Variants in TNR observed in about 807,000 individuals in gnomAD.
TNR encodes the protein tenascin-R.
A neutral mutation model predicts 150.4 loss-of-function variants in TNR; 45 were observed. The observed-to-expected ratio is 0.30, with a 90% CI of 0.24 to 0.38. The LOEUF (loss-of-function observed/expected upper bound fraction) is 0.38. TNR is among the 10% of genes least tolerant of loss of function. The probability of loss-of-function intolerance (pLI) is 1.00; values close to 1 mark genes in which losing one functional copy is unlikely to be tolerated. For synonymous variants in TNR, 687 were observed against 678.4 expected (o/e 1.01, Z -0.20); for missense variants, 1,544 against 1,759.1 (o/e 0.88, Z 2.19).
intron 2 of TNR, among the ~76,000 whole-genome samples, chr1:175,420,276 G>A (rs866211436): frequency 1.6e-4 from 25 of 152,160 alleles, no homozygotes; most frequent in African/African-American, 6.0e-4. Context: ...ACTTCCTGGA[G>A]GGGCTGTTTA....
chr1:175,438,782 A>G (rs1288102878), intron 2 of TNR, among the ~76,000 whole-genome samples: 1 of 152,214 alleles, frequency 6.6e-6, no homozygotes, highest in African/African-American at 2.4e-5. Flanking sequence ...CAATTGCTAC[A>G]AAGAGAATAA....
chr1:175,513,823 G>T (rs530899527), intron 2 of TNR, among the ~76,000 whole-genome samples: 1 of 152,252 alleles, frequency 6.6e-6, no homozygotes, highest in East Asian at 1.9e-4. Context: ...CTCTGGAGAG[G>T]GCTTCTCAAA....
chr1:175,601,163 C>T (rs1663219779), intron 1 of TNR, among the ~76,000 whole-genome samples: 1 of 152,216 alleles, frequency 6.6e-6, no homozygotes, highest in Non-Finnish European at 1.5e-5. Flanking sequence ...CTGACTTTGA[C>T]AGTCCAGTAG....
chr1:175,656,225 A>G (rs992735359), intron 1 of TNR, among the ~76,000 whole-genome samples: 8 of 150,762 alleles, frequency 5.3e-5, no homozygotes, highest in Non-Finnish European at 1.2e-4. Flanking sequence ...TGCCCCAAGC[A>G]TCCATCAGTT....
At chr1:175,412,711 C>T (rs976965033) in intron 2 of TNR, among the ~76,000 whole-genome samples, 2 of 152,144 alleles carry the variant, frequency 1.3e-5, no homozygotes, top group Non-Finnish European at 2.9e-5. Context: ...CCACCATCAA[C>T]CTCTCTGCTT....
At chr1:175,532,720 C>T (rs1426597826) in intron 1 of TNR, among the ~76,000 whole-genome samples, 1 of 152,176 alleles carries the variant, frequency 6.6e-6, no homozygotes, top group African/African-American at 2.4e-5. Context: ...TTGAAGGTTG[C>T]AGTCTTCAAC....
At chr1:175,452,099 G>A (rs1441703775) in intron 2 of TNR, among the ~76,000 whole-genome samples, 1 of 152,194 alleles carries the variant, frequency 6.6e-6, no homozygotes, top group Non-Finnish European at 1.5e-5. Flanking sequence ...AGAATGTAAT[G>A]GGGACCAGCA....
intron 1 of TNR, among the ~76,000 whole-genome samples, chr1:175,660,846 C>G (rs2101896471): frequency 6.6e-6 from 1 of 152,254 alleles, no homozygotes; most frequent in South Asian, 2.1e-4. Flanking sequence ...ACTGACTCAG[C>G]AGAGGTTCCA....
chr1:175,423,195 T>C (rs1654830098), intron 2 of TNR, among the ~76,000 whole-genome samples: 1 of 152,212 alleles, frequency 6.6e-6, no homozygotes, highest in South Asian at 2.1e-4. Flanking sequence ...GTATTGTTAA[T>C]ACATCAAATA....
intron 9 of TNR, among the ~76,000 whole-genome samples, chr1:175,371,473 G>A (rs1557891494): frequency 6.6e-6 from 1 of 152,164 alleles, no homozygotes; most frequent in Non-Finnish European, 1.5e-5. Flanking sequence ...CTTGCCTTTT[G>A]GGGGTGAAAA....
intron 2 of TNR, among the ~76,000 whole-genome samples, chr1:175,503,206 C>G (rs1658811677): frequency 6.6e-6 from 1 of 152,184 alleles, no homozygotes; most frequent in Admixed American, 6.5e-5. Context: ...GAAGGCGCAG[C>G]TGAATGGGCC....
At chr1:175,477,276 G>C (rs1657584297) in intron 2 of TNR, among the ~76,000 whole-genome samples, 1 of 152,206 alleles carries the variant, frequency 6.6e-6, no homozygotes, top group Non-Finnish European at 1.5e-5. Context: ...CGTAAGAGGA[G>C]ATATGCCATT....
At chr1:175,390,108 G>A (rs986172909) in intron 7 of TNR, among the ~76,000 whole-genome samples, 4 of 152,204 alleles carry the variant, frequency 2.6e-5, no homozygotes, top group African/African-American at 9.6e-5. Context: ...GTGCACTAAT[G>A]GAACACAAGC....
At chr1:175,520,814 T>C (rs529493775) in intron 2 of TNR, among the ~76,000 whole-genome samples, 1 of 152,166 alleles carries the variant, frequency 6.6e-6, no homozygotes, top group Non-Finnish European at 1.5e-5. Flanking sequence ...CAGGGTGCCA[T>C]GTTCTAAAAT....
intron 2 of TNR, among the ~76,000 whole-genome samples, chr1:175,472,931 C>T (rs774594522): frequency 6.6e-6 from 1 of 152,102 alleles, no homozygotes; most frequent in African/African-American, 2.4e-5. Flanking sequence ...GGGTATCTAG[C>T]TTTGGGAGAT....
At chr1:175,541,703 T>G (rs956708653) in intron 1 of TNR, among the ~76,000 whole-genome samples, 2 of 152,162 alleles carry the variant, frequency 1.3e-5, no homozygotes, top group African/African-American at 4.8e-5. Flanking sequence ...TGAGGTTGAT[T>G]TACAATTTAC....
intron 1 of TNR, among the ~76,000 whole-genome samples, chr1:175,553,817 A>ACACAC (rs1553238669): frequency 0.28 from 40,539 of 145,306 alleles, 6,473 homozygotes; most frequent in East Asian, 0.53. Context: ...TACAAGAACA[A>ACACAC]ACACACACAC....
At chr1:175,362,623 G>C (rs1651651101) in intron 14 of TNR, 40 bp downstream of exon 14, 1 of 1,597,910 alleles carries the variant, frequency 6.3e-7, no homozygotes, top group East Asian at 2.2e-5. Context: ...CAGATCTTCA[G>C]CCAGGGTTCT....
intron 1 of TNR, among the ~76,000 whole-genome samples, chr1:175,596,081 C>G (rs10913027): frequency 6.6e-6 from 1 of 152,048 alleles, no homozygotes; most frequent in Non-Finnish European, 1.5e-5. Context: ...GGAAAATTCA[C>G]ACTCGTTTAG....
Sources: allele counts gnomAD v4.1 joint callset (sites outside exome capture counted in the v4.1 genomes callset), GRCh38; gene constraint gnomAD v4.1.1; transcripts MANE v1.5; gene names NCBI Gene and HGNC (gene_info 2026-07-23, HGNC 2026-07-21).